IST1: variants seen among roughly 807,000 people sequenced by gnomAD.
The protein encoded by IST1 is IST1 factor associated with ESCRT-III, also known as IST1 homolog.
IST1 carries 23 observed loss-of-function variants against 37.0 expected under a neutral mutation model. That is an observed-to-expected ratio of 0.62 (90% CI 0.45 to 0.88). The LOEUF (loss-of-function observed/expected upper bound fraction) is 0.88. Among genes scored for constraint, IST1 ranks in the 40% least tolerant of loss-of-function variants. The pLI is 0.00. For missense variants in IST1, 488 were observed against 445.4 expected, an observed-to-expected ratio of 1.10 and a Z score of -0.86; for synonymous variants, 180 against 161.7, an observed-to-expected ratio of 1.11 and a Z score of -0.86.
chr16:71,897,054 CTG>C (rs1313708943), intron 1 of IST1, among the ~76,000 whole-genome samples: 2 of 151,780 alleles, frequency 1.3e-5, no homozygotes, highest in Non-Finnish European at 1.5e-5. Flanking sequence ...GGGTCTCACT[CTG>C]TTTCCCAGGC....
At chr16:71,908,102 C>T (rs1446276730) in intron 1 of IST1, among the ~76,000 whole-genome samples, 1 of 152,034 alleles carries the variant, frequency 6.6e-6, no homozygotes, top group Admixed American at 6.6e-5. Flanking sequence ...TGCCACCACA[C>T]CAAGCTAATT....
Position 71,929,744 on chromosome 16 carries a change from A to C in IST1, c.*1931A>C. ...AATTACTGCTAATAGTGGAGTAAAA[A>C]AAGTACCAAAGATTTTTAAAAAATT... On this transcript the variant is annotated 3_prime_UTR_variant, in exon 10 of 10. Coordinates refer to ENST00000378799, the MANE Select transcript of IST1 (RefSeq NM_001270975.2). 7.3e-7 allele frequency: 1 copy of C among 1,371,328 alleles called. No homozygotes were observed. The highest frequency in any genetic ancestry group is 9.8e-7 in the Non-Finnish European group (1 of 1,017,146). The allele number at this position is 1,371,328 out of a possible 1,614,324, so 84.9% of individuals were successfully genotyped here. A position where few individuals can be genotyped will look rare whatever the true frequency, so the allele number is the denominator to read the frequency against.
rs1281629316 is a variant in IST1, at chr16:71,924,788, A to T, written c.872A>T (p.Asp291Val). ...SYESVDDINA[D>V]KNISSAQIVG... ...TTTCAGGTAGATGACATTAATGCTG[A>T]TAAGAATATCTCTTCTGCACAGATT... Residue 291 changes from aspartate to valine, a missense_variant, in exon 9 of 10, where the codon GAT becomes GTT. Coordinates refer to ENST00000378799, the MANE Select transcript of IST1 (RefSeq NM_001270975.2). The T allele has an allele frequency of 2.5e-6, 4 of 1,610,314 alleles. No homozygotes were observed. The highest frequency in any genetic ancestry group is 1.1e-5 in the South Asian group (1 of 90,994).
chr16:71,929,994 T>TA lies in IST1; in HGVS notation c.*2182dup. 1 of 1,495,776 alleles carries TA rather than the reference T, an allele frequency of 6.7e-7. No homozygotes were observed. Among genetic ancestry groups the TA allele is most frequent in the Non-Finnish European group, 9.0e-7 (1 of 1,115,048 alleles). 92.7% of individuals were successfully genotyped at this position (1,495,776 alleles called of 1,614,324 possible). A position where few individuals can be genotyped will look rare whatever the true frequency, so the allele number is the denominator to read the frequency against. On this transcript the variant is annotated 3_prime_UTR_variant, in exon 10 of 10. Transcript: ENST00000378799. ...GTCAGCCCGTCATCTTAGGGGCAGT[T>TA]ACAGTGGAGCTTTCCCAGTGATATA... is the stretch of plus-strand genomic sequence containing the variant.
chr16:71,911,504 G>T (rs186361124), intron 1 of IST1, among the ~76,000 whole-genome samples: 1 of 152,222 alleles, frequency 6.6e-6, no homozygotes, highest in East Asian at 1.9e-4. Context: ...CTGCACTCCA[G>T]CCTGGGCGAC....
intron 8 of IST1, chr16:71,924,084 T>G: frequency 2.2e-6 from 1 of 455,316 alleles, no homozygotes; most frequent in South Asian, 1.6e-5. Flanking sequence ...TTGGTTCCCA[T>G]CTGTAGCTGA....
In IST1 at chr16:71,930,058, C is replaced by T. The variant is rs969931221; in HGVS notation, c.*2245C>T. On this transcript the variant is annotated 3_prime_UTR_variant, in exon 10 of 10. Transcript: ENST00000378799. ...TTATCTTTTAGTTACCTACCTTAAG[C>T]GACTTTCTTTCTTTTCCAAAGGCCA... The T allele has an allele frequency of 8.4e-6, 13 of 1,548,310 alleles. No individual in the cohort carries two copies. Among genetic ancestry groups the T allele is most frequent in the African/African-American group, 2.7e-5 (2 of 72,798 alleles).
intron 2 of IST1, 143 bp downstream of exon 2, chr16:71,915,871 C>T (rs957385705): frequency 1.8e-6 from 1 of 564,646 alleles, no homozygotes; most frequent in Non-Finnish European, 3.1e-6. Flanking sequence ...CACTCTGTCG[C>T]CCAGGATGGA....
intron 4 of IST1, among the ~76,000 whole-genome samples, chr16:71,917,604 A>G (rs1222408464): frequency 6.6e-6 from 1 of 152,242 alleles, no homozygotes; most frequent in Non-Finnish European, 1.5e-5. Context: ...GACATTAACC[A>G]GAAAATTGCA....
chr16:71,929,761 T>TA lies in IST1; in HGVS notation c.*1954dup, dbSNP rs1274236125. ...GAGTAAAAAAAGTACCAAAGATTTT[T>TA]AAAAAATTAGTAAATGTAAAGATAC... On this transcript the variant is annotated 3_prime_UTR_variant, in exon 10 of 10. Coordinates refer to ENST00000378799, the MANE Select transcript of IST1 (RefSeq NM_001270975.2). 1 of 1,289,182 alleles carries TA rather than the reference T, an allele frequency of 7.8e-7. No individual in the cohort carries two copies. Among genetic ancestry groups the TA allele is most frequent in the Non-Finnish European group, 1.1e-6 (1 of 948,070 alleles). The allele number at this position is 1,289,182 out of a possible 1,614,324, so 79.9% of individuals were successfully genotyped here.
intron 5 of IST1, chr16:71,921,055 A>G (rs2037568885): frequency 9.8e-6 from 6 of 610,302 alleles, no homozygotes; most frequent in South Asian, 5.5e-5. Context: ...GCCTCGTGTC[A>G]TTTGTGAAGG....
chr16:71,897,112 C>T (rs1478185510), intron 1 of IST1, among the ~76,000 whole-genome samples: 2 of 150,952 alleles, frequency 1.3e-5, no homozygotes, highest in East Asian at 1.9e-4. Context: ...TTTCAGGACT[C>T]AAGTGATCCT....
chr16:71,895,039 G>C, upstream of IST1: 3 of 499,724 alleles, frequency 6.0e-6, no homozygotes, highest in South Asian at 2.4e-5. Flanking sequence ...GAGGGACACG[G>C]AGGCGCTGGG....
intron 1 of IST1, among the ~76,000 whole-genome samples, chr16:71,896,618 G>A (rs2036977876): frequency 6.6e-6 from 1 of 152,048 alleles, no homozygotes; most frequent in Admixed American, 6.6e-5. Flanking sequence ...GTACCTACAA[G>A]CCAATAGTTT....
At chr16:71,903,465 C>T (rs2037154008) in intron 1 of IST1, 1 of 152,002 alleles carries the variant, frequency 6.6e-6, no homozygotes, top group South Asian at 2.1e-4. Flanking sequence ...TGTTGAATTC[C>T]CAAATGTTAA....
In IST1 at chr16:71,907,847, C is replaced by T. The variant is rs147628845; in HGVS notation, c.-15-7779C>T. Among the ~76,000 whole-genome samples the T allele has an allele frequency of 9.9e-5, 15 of 152,080 alleles. No individual in the cohort carries two copies. In the East Asian group the frequency reaches 1.9e-3, roughly 20 times the overall value. ...TTTTTATTTTGAGACAGGATCTTAC[C>T]ATATTGCTCAGGCTAGTCAACTAAA... On this transcript the variant is annotated intron_variant, in intron 1 of 9. Transcript: ENST00000378799.
intron 1 of IST1, among the ~76,000 whole-genome samples, chr16:71,914,304 G>T (rs1327566414): frequency 1.3e-5 from 2 of 151,434 alleles, no homozygotes; most frequent in Non-Finnish European, 2.9e-5. Flanking sequence ...GACTACAGGT[G>T]TGCGTCACCA....
chr16:71,901,157 T>A (rs954683967), intron 1 of IST1, among the ~76,000 whole-genome samples: 2 of 152,254 alleles, frequency 1.3e-5, no homozygotes, highest in African/African-American at 4.8e-5. Flanking sequence ...GTTTATGTTA[T>A]GTTTAGCTTT....
intron 7 of IST1, among the ~76,000 whole-genome samples, 178 bp from the exon 8 acceptor site, chr16:71,923,109 CT>C (rs1359735541): frequency 6.6e-6 from 1 of 152,176 alleles, no homozygotes; most frequent in South Asian, 2.1e-4. Context: ...GGCTCTAGAT[CT>C]TTAAAAATCT....
Sources: gnomAD v4.1 joint callset for allele counts (sites outside exome capture counted in the v4.1 genomes callset) on GRCh38, gnomAD v4.1.1 for gene constraint, MANE v1.5 for transcripts, NCBI Gene and HGNC (gene_info 2026-07-23, HGNC 2026-07-21) for gene names.